Variants in SLC25A48 observed in about 807,000 individuals in gnomAD.
SLC25A48 encodes the protein solute carrier family 25 member 48.
In SLC25A48, 29 loss-of-function variants were observed where a neutral mutation model predicts 32.2. The ratio of observed to expected loss-of-function variants is 0.90; its 90% CI spans 0.67 to 1.23. The LOEUF is 1.23. SLC25A48 is among the 50% of genes most tolerant of loss of function. The pLI, the probability that SLC25A48 is intolerant of heterozygous loss-of-function variation, is 0.00. For missense variants in SLC25A48, 399 were observed against 422.7 expected, an observed-to-expected ratio of 0.94 and a Z score of 0.49; for synonymous variants, 164 against 172.3, an observed-to-expected ratio of 0.95 and a Z score of 0.38.
chr5:135,653,879 A>G (rs1380605461), intron 3 of SLC25A48: 1 of 456,170 alleles, frequency 2.2e-6, no homozygotes, highest in Admixed American at 2.3e-5. Flanking sequence ...GTATAGCCAG[A>G]CACAGCCACA....
At chr5:135,835,785 A>C (rs549484772) in intron 1 of SLC25A48, among the ~76,000 whole-genome samples, 8 of 152,122 alleles carry the variant, frequency 5.3e-5, no homozygotes, top group African/African-American at 1.7e-4. Flanking sequence ...GGGTGAAAAA[A>C]TAAGATGAAA....
intron 3 of SLC25A48, among the ~76,000 whole-genome samples, chr5:135,695,811 G>A (rs978090377): frequency 3.9e-5 from 6 of 152,348 alleles, no homozygotes; most frequent in African/African-American, 1.4e-4. Flanking sequence ...GGGCCCTTGG[G>A]TTCAGAAGTA....
At chr5:135,756,623 A>T (rs4392613) in intron 3 of SLC25A48, among the ~76,000 whole-genome samples, 46,054 of 152,018 alleles carry the variant, frequency 0.3, 7,138 homozygotes, top group East Asian at 0.46. Context: ...GTGAGCTGAG[A>T]TTATGCCATT....
intron 3 of SLC25A48, among the ~76,000 whole-genome samples, chr5:135,775,039 A>T (rs1756513714): frequency 6.6e-6 from 1 of 151,708 alleles, no homozygotes; most frequent in Non-Finnish European, 1.5e-5. Flanking sequence ...ATCCCAAAGG[A>T]TGTACACACA....
At chr5:135,649,526 G>A (rs1194794090) in intron 3 of SLC25A48, 2 of 152,496 alleles carry the variant, frequency 1.3e-5, no homozygotes, top group Non-Finnish European at 2.9e-5. Context: ...GTGCTTTGGT[G>A]AGAGTGGCCA....
intron 3 of SLC25A48, among the ~76,000 whole-genome samples, chr5:135,774,307 ATATCC>A (rs1380126911): frequency 6.6e-6 from 1 of 151,596 alleles, no homozygotes; most frequent in Admixed American, 6.6e-5. Flanking sequence ...ATTGTTCCTA[ATATCC>A]AGGATGAAAG....
intron 1 of SLC25A48, among the ~76,000 whole-genome samples, chr5:135,837,230 A>G (rs1758612146): frequency 6.6e-6 from 1 of 152,022 alleles, no homozygotes; most frequent in African/African-American, 2.4e-5. Context: ...CACTACTGGG[A>G]AGGGTTAATT....
chr5:135,783,617 A>G (rs1756772066), intron 3 of SLC25A48, among the ~76,000 whole-genome samples: 1 of 106,264 alleles, frequency 9.4e-6, no homozygotes, highest in African/African-American at 2.8e-5. Context: ...TAATCCCAAT[A>G]TCAAATGGGT....
At chr5:135,720,853 G>C (rs1754934530) in intron 3 of SLC25A48, among the ~76,000 whole-genome samples, 1 of 152,136 alleles carries the variant, frequency 6.6e-6, no homozygotes, top group Non-Finnish European at 1.5e-5. Context: ...GATGGATGTG[G>C]TGGTGGAAGT....
chr5:135,598,550 C>A (rs527425673), intron 1 of SLC25A48, among the ~76,000 whole-genome samples: 24 of 152,278 alleles, frequency 1.6e-4, no homozygotes, highest in Non-Finnish European at 3.5e-4. Flanking sequence ...ACCCTGCAGA[C>A]TGGGAAGCAT....
intron 4 of SLC25A48, among the ~76,000 whole-genome samples, chr5:135,855,898 G>C (rs1475670018): frequency 6.6e-6 from 1 of 152,176 alleles, no homozygotes; most frequent in Non-Finnish European, 1.5e-5. Flanking sequence ...TTTCCTGTTA[G>C]AGCTTCACTT....
At chr5:135,683,554 GGA>G (rs1300651288) in intron 3 of SLC25A48, among the ~76,000 whole-genome samples, 3 of 152,174 alleles carry the variant, frequency 2.0e-5, no homozygotes, top group Non-Finnish European at 2.9e-5. Flanking sequence ...TGATTTGGAG[GGA>G]GCATCTAGAA....
At chr5:135,761,069 G>A (rs908644537) in intron 3 of SLC25A48, among the ~76,000 whole-genome samples, 1 of 152,116 alleles carries the variant, frequency 6.6e-6, no homozygotes, top group Non-Finnish European at 1.5e-5. Context: ...GGAGACCAAG[G>A]AGTGGAGGAT....
chr5:135,883,311 C>T (rs1762604013), intron 7 of SLC25A48: 3 of 985,398 alleles, frequency 3.0e-6, no homozygotes, highest in Admixed American at 6.1e-5. Context: ...GGACCTGCAC[C>T]TGGTAACAAA....
intron 4 of SLC25A48, among the ~76,000 whole-genome samples, chr5:135,863,573 G>A (rs776131714): frequency 1.3e-5 from 2 of 152,174 alleles, no homozygotes; most frequent in African/African-American, 2.4e-5. Flanking sequence ...AAATTATCGA[G>A]CTCATACCAT....
chr5:135,799,301 A>C (rs912054308), intron 3 of SLC25A48, among the ~76,000 whole-genome samples: 1 of 151,700 alleles, frequency 6.6e-6, no homozygotes, highest in Non-Finnish European at 1.5e-5. Context: ...ATTGAAGGGC[A>C]GATGTACTCC....
chr5:135,846,541 C>T (rs76412762), intron 2 of SLC25A48, among the ~76,000 whole-genome samples: 98 of 152,306 alleles, frequency 6.4e-4, no homozygotes, highest in Middle Eastern at 3.4e-3. Flanking sequence ...CTTCAGCCAC[C>T]TCACCTCTGA....
intron 7 of SLC25A48, among the ~76,000 whole-genome samples, chr5:135,885,953 G>A (rs185940143): frequency 3.7e-4 from 57 of 152,066 alleles, no homozygotes; most frequent in Non-Finnish European, 7.2e-4. Context: ...AATATATATC[G>A]TATATGGGTA....
chr5:135,652,067 C>G (rs1753127654), intron 3 of SLC25A48, among the ~76,000 whole-genome samples: 1 of 152,246 alleles, frequency 6.6e-6, no homozygotes, highest in East Asian at 1.9e-4. Flanking sequence ...CACCCTAGTG[C>G]TTGCTCAATG....
Sources: gnomAD v4.1 joint callset for allele counts (sites outside exome capture counted in the v4.1 genomes callset) on GRCh38, gnomAD v4.1.1 for gene constraint, MANE v1.5 for transcripts, NCBI Gene and HGNC (gene_info 2026-07-23, HGNC 2026-07-21) for gene names.